POU2F2: variants seen among roughly 807,000 people sequenced by gnomAD.
POU2F2 encodes the protein POU domain, class 2, transcription factor 2.
In POU2F2, 14 loss-of-function variants were observed where a neutral mutation model predicts 63.5. That is an observed-to-expected ratio of 0.22 (90% CI 0.15 to 0.34). The LOEUF is 0.34. POU2F2 is among the 10% of genes least tolerant of loss of function. The pLI, the probability that POU2F2 is intolerant of heterozygous loss-of-function variation, is 1.00. For synonymous variants in POU2F2, 306 were observed against 348.6 expected (o/e 0.88, Z 1.36); for missense variants, 607 against 815.2 (o/e 0.74, Z 3.11).
chr19:42,105,999 T>TCTTCTTTCTTTC (rs1487918924), intron 5 of POU2F2, among the ~76,000 whole-genome samples: 6 of 132,224 alleles, frequency 4.5e-5, no homozygotes, highest in Non-Finnish European at 6.4e-5. Flanking sequence ...GATCTTTCTT[T>TCTTCTTTCTTTC]TTTCTTTCTT....
At chr19:42,128,653 T>C (rs2033416358) in intron 1 of POU2F2, among the ~76,000 whole-genome samples, 1 of 152,096 alleles carries the variant, frequency 6.6e-6, no homozygotes, top group African/African-American at 2.4e-5. Flanking sequence ...CTAGCAATCA[T>C]AGACTTGGAG....
chr19:42,095,557 C>G lies in POU2F2; in HGVS notation c.1008G>C (p.Lys336Asn). 3 of 1,603,974 alleles carry G rather than the reference C, an allele frequency of 1.9e-6. No individual in the cohort carries two copies. Among genetic ancestry groups the G allele is most frequent in the Non-Finnish European group, 2.6e-6 (3 of 1,174,850 alleles). The change falls in exon 10 of 15, where the codon AAG (lysine) becomes AAC (asparagine). Residue 336 changes from lysine (K) to asparagine (N), a missense_variant. This residue lies in a region of POU2F2 where 36 missense variants were observed against 63.8 expected (regional missense o/e 0.56). Coordinates refer to ENST00000692977, the MANE Select transcript of POU2F2 (RefSeq NM_001394376.1). The surrounding 1 kb of genome is among the most constrained non-coding windows in gnomAD (Gnocchi z 7.1). ...AGGGGGGCCTCACCGCTAGAAAACT[C>G]TTCTCTAAGGCGAAGCGGACGTTTG... ...IETNVRFALE[K>N]SFLANQKPTS...
In POU2F2 at chr19:42,155,337, C is replaced by T. The variant is rs111307684; in HGVS notation, c.-9+4995G>A. Among the ~76,000 whole-genome samples, 3,425 of 152,292 alleles carry T rather than the reference C, an allele frequency of 0.022. 117 individuals are homozygous for T. The highest frequency in any genetic ancestry group is 0.079 in the African/African-American group (3,276 of 41,544). On this transcript the variant is annotated intron_variant, in intron 2 of 6. Transcript: ENST00000524801. The surrounding 1 kb of genome is among the most constrained non-coding windows in gnomAD (Gnocchi z 4.2). ...TTTCCTCTTCCTCTTTGCTCCTCTC[C>T]GTTGCTCTGTTCCCCTCTCTGTGTT... is the stretch of plus-strand genomic sequence containing the variant.
intron 1 of POU2F2, among the ~76,000 whole-genome samples, chr19:42,183,817 T>A (rs1019610324): frequency 2.0e-5 from 3 of 151,900 alleles, no homozygotes; most frequent in African/African-American, 7.3e-5. Context: ...AGGTGAGAAC[T>A]GAAAAAAGTT....
At chr19:42,139,130 A>T (rs2034077324) in intron 2 of POU2F2, among the ~76,000 whole-genome samples, 1 of 152,146 alleles carries the variant, frequency 6.6e-6, no homozygotes, top group African/African-American at 2.4e-5. Context: ...CAGCCTGGCC[A>T]ACATACAATA....
intron 1 of POU2F2, among the ~76,000 whole-genome samples, chr19:42,124,760 C>T (rs1316070967): frequency 2.6e-5 from 4 of 152,238 alleles, no homozygotes. Context: ...CTGCTTCATA[C>T]ACATGGCCGA....
chr19:42,091,190 C>G lies in POU2F2; in HGVS notation c.*67G>C. ...TCTGCGTCCCCACCACTGGCCTCCT[C>G]GCCCTCTTCCCAGGCAAGGGACCAA... On this transcript the variant is annotated 3_prime_UTR_variant, in exon 15 of 15. Transcript: ENST00000692977. The G allele has an allele frequency of 7.0e-7, 1 of 1,434,332 alleles. No homozygotes were observed. The highest frequency in any genetic ancestry group is 9.2e-7 in the Non-Finnish European group (1 of 1,082,140). The allele number at this position is 1,434,332 out of a possible 1,614,324, so 88.9% of individuals were successfully genotyped here.
At chr19:42,110,992 G>A (rs1248059144) in intron 5 of POU2F2, among the ~76,000 whole-genome samples, 2 of 152,170 alleles carry the variant, frequency 1.3e-5, no homozygotes, top group Non-Finnish European at 2.9e-5. Flanking sequence ...CCCTCAAAAT[G>A]AGCATTTGCT....
In POU2F2 at chr19:42,188,943, G is replaced by GGAAT. The variant is rs1488936649; in HGVS notation, c.-70+7439_-70+7440insATTC. Among the ~76,000 whole-genome samples the GGAAT allele has an allele frequency of 7.1e-3, 1,078 of 151,154 alleles. 8 individuals carry two copies. The highest frequency in any genetic ancestry group is 0.02 in the African/African-American group (839 of 40,934). ...AGGAAGGAAGGAAGGAAGGAAGGAA[G>GGAAT]GAAGGAAGGGAGTTTTGGGTTGATT... On this transcript the variant is annotated intron_variant, in intron 1 of 5. Coordinates refer to the POU2F2 transcript ENST00000532176.
At chr19:42,136,381 T>G (rs1026059724), upstream of POU2F2, among the ~76,000 whole-genome samples, 1 of 151,836 alleles carries the variant, frequency 6.6e-6, no homozygotes, top group African/African-American at 2.4e-5. Flanking sequence ...ACATGGGTTT[T>G]GCCATGTTGC....
chr19:42,105,172 T>TC lies in POU2F2; in HGVS notation c.370-5352dup, dbSNP rs1220598014. 2.6e-5 allele frequency among the ~76,000 whole-genome samples: 4 copies of TC among 152,148 alleles called. No individual in the cohort carries two copies. The South Asian group carries it at 8.3e-4, about 32-fold the overall frequency. On this transcript the variant is annotated intron_variant, in intron 5 of 14. Transcript: ENST00000692977. ...CAAGGCCCCATACCTAATTTTTGTT[T>TC]CAAACATTGTCTTTTTCTTTCAAAG...
chr19:42,101,237 T>A (rs1023701261), intron 5 of POU2F2, among the ~76,000 whole-genome samples: 1 of 152,090 alleles, frequency 6.6e-6, no homozygotes, highest in African/African-American at 2.4e-5. Context: ...TTTAGCACTG[T>A]TATAGGTTGC....
chr19:42,105,048 C>T (rs2077285017), intron 5 of POU2F2, among the ~76,000 whole-genome samples: 1 of 152,152 alleles, frequency 6.6e-6, no homozygotes, highest in Non-Finnish European at 1.5e-5. Context: ...CTACCCCCAG[C>T]CCAGTAACAC....
intron 1 of POU2F2, among the ~76,000 whole-genome samples, chr19:42,195,055 G>GAGGGAGGGAGGAAGGA (rs2035121213): frequency 4.0e-5 from 1 of 24,832 alleles, no homozygotes. Flanking sequence ...GGAAGGAAGG[G>GAGGGAGGGAGGAAGGA]AGGGAGGGAG....
chr19:42,163,627 C>A (rs1191030531), intron 1 of POU2F2, among the ~76,000 whole-genome samples: 22 of 152,172 alleles, frequency 1.4e-4, no homozygotes, highest in Admixed American at 1.4e-3. Context: ...ATCCCTCAGT[C>A]CCTCCCTGAG....
chr19:42,106,910 C>T (rs2030173032), intron 5 of POU2F2, among the ~76,000 whole-genome samples: 1 of 152,010 alleles, frequency 6.6e-6, no homozygotes, highest in Non-Finnish European at 1.5e-5. Flanking sequence ...CCTGTGGTCC[C>T]AGCTACTCAG....
At position 42,095,506 on chromosome 19, in the gene POU2F2, C is replaced by G; in HGVS notation, c.1020+39G>C. 1.2e-6 allele frequency: 2 copies of G among 1,604,122 alleles called. No individual in the cohort carries two copies. Among genetic ancestry groups the G allele is most frequent in the Non-Finnish European group, 8.5e-7 (1 of 1,175,402 alleles). ...TTAGCCCGAGGCCCACCGCCCGCCA[C>G]CCCTCAGGTGAGGGCCACCCAGGAG... is the stretch of plus-strand genomic sequence containing the variant. On this transcript the variant is annotated intron_variant, in intron 10 of 14. Coordinates refer to ENST00000692977, the MANE Select transcript of POU2F2 (RefSeq NM_001394376.1). This position sits in a 1 kb window ranked among gnomAD's most constrained non-coding sequence, Gnocchi z 7.1.
In POU2F2 at chr19:42,162,542, G is replaced by A. The variant is rs866014148; in HGVS notation, c.-69-2150C>T. On this transcript the variant is annotated intron_variant, in intron 1 of 6. Coordinates refer to the POU2F2 transcript ENST00000524801. The surrounding 1 kb of genome is among the most constrained non-coding windows in gnomAD (Gnocchi z 4.1). ...TGAACCTGATGTGTCTGACTCCAAA[G>A]CCTACATTTCCTGCAGCTGTGCACA... 1.6e-4 allele frequency among the ~76,000 whole-genome samples: 24 copies of A among 152,304 alleles called. No homozygotes were observed. Among genetic ancestry groups the A allele is most frequent in the Middle Eastern group, 6.8e-3 (2 of 294 alleles).
At chr19:42,181,182 G>A (rs551930786) in intron 1 of POU2F2, among the ~76,000 whole-genome samples, 1 of 152,254 alleles carries the variant, frequency 6.6e-6, no homozygotes, top group East Asian at 1.9e-4. Context: ...TGATTTCTAG[G>A]GCTCCGCCCA....
Sources: gnomAD v4.1 joint callset for allele counts (sites outside exome capture counted in the v4.1 genomes callset) on GRCh38, gnomAD v4.1.1 for gene constraint, gnomAD v4.1.1 regional missense constraint, Gnocchi (gnomAD v3.1) non-coding constraint, MANE v1.5 for transcripts, NCBI Gene and HGNC (gene_info 2026-07-23, HGNC 2026-07-21) for gene names.